The following SLC43A1 variants were observed in gnomAD, a reference collection of about 807,000 sequenced individuals.
SLC43A1 encodes large neutral amino acids transporter small subunit 3.
SLC43A1 carries 31 observed loss-of-function variants against 59.5 expected under a neutral mutation model. The observed-to-expected ratio is 0.52, with a 90% CI of 0.39 to 0.70. SLC43A1 has a LOEUF of 0.70. Ranked by LOEUF, SLC43A1 falls within the 30% of genes least tolerant of loss-of-function variation. The probability of loss-of-function intolerance (pLI) is 0.00; values close to 1 mark genes in which losing one functional copy is unlikely to be tolerated. For missense variants in SLC43A1, 598 were observed against 717.8 expected (o/e 0.83, Z 1.91); for synonymous variants, 259 against 290.9 (o/e 0.89, Z 1.12).
chr11:57,508,711 G>GT (rs1944452798), intron 2 of SLC43A1, among the ~76,000 whole-genome samples: 1 of 152,026 alleles, frequency 6.6e-6, no homozygotes, highest in Admixed American at 6.6e-5. Flanking sequence ...GGAAGATCAC[G>GT]TGAGTCCAGA....
rs1018839736 is a variant in SLC43A1, at chr11:57,514,196, AC to A, written c.-13-73del. On this transcript the variant is annotated intron_variant, in intron 1 of 14. Coordinates refer to ENST00000278426, the MANE Select transcript of SLC43A1 (RefSeq NM_003627.6). This position sits in a 1 kb window ranked among gnomAD's most constrained non-coding sequence, Gnocchi z 5.5. ...GGGAAGGGTCCTGCATCATGGTGGC[AC>A]CCGAGACCTCTCGGGCCAGCCCGCG... The A allele has an allele frequency of 4.8e-6, 7 of 1,459,126 alleles. No homozygotes were observed. The highest frequency in any genetic ancestry group is 2.4e-4 in the Middle Eastern group (1 of 4,228). The allele number at this position is 1,459,126 out of a possible 1,614,324, so 90.4% of individuals were successfully genotyped here.
chr11:57,508,335 C>T (rs1025097712), intron 2 of SLC43A1, among the ~76,000 whole-genome samples: 1 of 151,950 alleles, frequency 6.6e-6, no homozygotes, highest in Non-Finnish European at 1.5e-5. Context: ...CCCAACAGCA[C>T]ATAGCGGAGT....
At chr11:57,508,551 T>A (rs1944448451) in intron 2 of SLC43A1, among the ~76,000 whole-genome samples, 1 of 152,300 alleles carries the variant, frequency 6.6e-6, no homozygotes, top group African/African-American at 2.4e-5. Flanking sequence ...GGATTTTGGC[T>A]GGAGTCCCTT....
chr11:57,513,156 G>A (rs183074265), intron 2 of SLC43A1, among the ~76,000 whole-genome samples: 79 of 152,340 alleles, frequency 5.2e-4, no homozygotes, highest in African/African-American at 1.8e-3. Context: ...AGTGATGGAA[G>A]CTGGGATTCA....
Position 57,500,821 on chromosome 11 carries a change from C to G in SLC43A1, c.423G>C (p.Leu141=), listed in dbSNP as rs183422510. ...TTAGGCAGATGCCACCAAAGCCATT[C>G]AGGGACAGCGCCAGGAATATCAACG... The part of the protein sequence containing the change: ...LSPLIFLALS[L]NGFGGICLTF... Residue 141 remains leucine (L), a synonymous_variant, in exon 5 of 15, where the codon CTG becomes CTC. Coordinates refer to ENST00000278426, the MANE Select transcript of SLC43A1 (RefSeq NM_003627.6). 2.5e-6 allele frequency: 4 copies of G among 1,614,226 alleles called. No individual in the cohort carries two copies. In the East Asian group the frequency reaches 8.9e-5, roughly 36 times the overall value.
chr11:57,490,321 A>AC (rs1302598153), intron 11 of SLC43A1, among the ~76,000 whole-genome samples: 1 of 151,964 alleles, frequency 6.6e-6, no homozygotes, highest in East Asian at 1.9e-4. Flanking sequence ...AAAAAAAAAA[A>AC]AAAAACCCTC....
chr11:57,493,760 C>A (rs929638748), intron 8 of SLC43A1, among the ~76,000 whole-genome samples: 2 of 152,180 alleles, frequency 1.3e-5, no homozygotes, highest in Non-Finnish European at 1.5e-5. Flanking sequence ...ATTTTGGAAG[C>A]TCCTCCCTCC....
chr11:57,491,128 G>T, intron 11 of SLC43A1, 96 bp downstream of exon 11: 1 of 1,396,804 alleles, frequency 7.2e-7, no homozygotes, highest in African/African-American at 1.4e-5. Context: ...TAGGGTTCTT[G>T]GGAGAAAGCA....
chr11:57,490,485 T>C (rs950259954), intron 11 of SLC43A1, among the ~76,000 whole-genome samples: 6 of 152,124 alleles, frequency 3.9e-5, no homozygotes, highest in Admixed American at 3.9e-4. Flanking sequence ...TGAGATTATG[T>C]GAGAGAAGAT....
At chr11:57,504,302 C>A (rs1944342863) in intron 2 of SLC43A1, among the ~76,000 whole-genome samples, 1 of 152,190 alleles carries the variant, frequency 6.6e-6, no homozygotes, top group African/African-American at 2.4e-5. Flanking sequence ...TCATACACGT[C>A]CTCACCTCTC....
intron 2 of SLC43A1, among the ~76,000 whole-genome samples, chr11:57,508,560 T>C (rs1944448717): frequency 1.3e-5 from 2 of 152,136 alleles, no homozygotes; most frequent in African/African-American, 4.8e-5. Context: ...CTGGAGTCCC[T>C]TGAAGGGAAG....
intron 7 of SLC43A1, 170 bp from the exon 8 acceptor site, chr11:57,494,341 C>A: frequency 1.6e-6 from 1 of 611,632 alleles, no homozygotes; most frequent in Non-Finnish European, 2.8e-6. Flanking sequence ...GAGCTTGGCT[C>A]AGGGACCAGC....
At chr11:57,506,015 T>C (rs1251828350) in intron 2 of SLC43A1, among the ~76,000 whole-genome samples, 4 of 152,214 alleles carry the variant, frequency 2.6e-5, no homozygotes, top group Admixed American at 1.3e-4. Context: ...CCCATGATGC[T>C]TCCCTTTCCT....
chr11:57,497,888 C>A, intron 5 of SLC43A1, 43 bp from the exon 6 acceptor site: 1 of 1,504,036 alleles, frequency 6.6e-7, no homozygotes, highest in Non-Finnish European at 9.2e-7. Context: ...GACACCGTGA[C>A]CCTTGCCCAG....
chr11:57,513,900 T>G lies in SLC43A1; in HGVS notation c.154+58A>C. On this transcript the variant is annotated intron_variant, in intron 2 of 14. Transcript: ENST00000278426. ...CCTGGCCACCTAACCTTTTCTGGCT[T>G]CCACCTGCCCCTTTGCCATCCCTCC... 5 of 1,410,116 alleles carry G rather than the reference T, an allele frequency of 3.5e-6. No individual in the cohort carries two copies. In the South Asian group the frequency reaches 6.2e-5, roughly 17 times the overall value. The allele number at this position is 1,410,116 out of a possible 1,614,324, so 87.4% of individuals were successfully genotyped here.
chr11:57,495,127 C>T (rs1011428976), intron 7 of SLC43A1, among the ~76,000 whole-genome samples: 1 of 152,052 alleles, frequency 6.6e-6, no homozygotes, highest in East Asian at 2.0e-4. Flanking sequence ...GGATTATAGG[C>T]ATGACCCACT....
rs946621506 is a variant in SLC43A1, at chr11:57,513,853, T to G, written c.154+105A>C. 2.0e-5 allele frequency: 18 copies of G among 883,320 alleles called. No homozygotes were observed. The African/African-American group carries it at 2.7e-4, about 13-fold the overall frequency. 54.7% of individuals were successfully genotyped at this position (883,320 alleles called of 1,614,324 possible). A position where few individuals can be genotyped will look rare whatever the true frequency, so the allele number is the denominator to read the frequency against. On this transcript the variant is annotated intron_variant, in intron 2 of 14. Transcript: ENST00000278426. ...AGGTCGAGAAGTGAGGCTGTCCAAC[T>G]GCTGACCCTGCTTTCTGTCCACCTG...
intron 8 of SLC43A1, among the ~76,000 whole-genome samples, chr11:57,492,534 GTGTATATATATATA>G (rs1457962397): frequency 4.7e-5 from 3 of 63,434 alleles, no homozygotes; most frequent in African/African-American, 7.1e-5. Context: ...ATATAATTTT[GTGTATATATATATA>G]TATATATATA....
At chr11:57,489,540 A>C in intron 11 of SLC43A1, 148 bp from the exon 12 acceptor site, 4 of 935,918 alleles carry the variant, frequency 4.3e-6, no homozygotes, top group Non-Finnish European at 4.8e-6. Context: ...AACCCATAGA[A>C]ACCCACGTTC....
Sources: gnomAD v4.1 joint callset for allele counts (sites outside exome capture counted in the v4.1 genomes callset) on GRCh38, gnomAD v4.1.1 for gene constraint, Gnocchi (gnomAD v3.1) non-coding constraint, MANE v1.5 for transcripts, NCBI Gene and HGNC (gene_info 2026-07-23, HGNC 2026-07-21) for gene names.